IL18: variants seen among roughly 807,000 people sequenced by gnomAD.
IL18 encodes the protein interleukin-18.
Under a neutral mutation model 14.2 loss-of-function variants are expected in IL18, and 8 were observed. That is an observed-to-expected ratio of 0.56 (90% confidence interval 0.33 to 1.01). The LOEUF is 1.01. IL18 is among the 50% of genes least tolerant of loss of function. The pLI, the probability that IL18 is intolerant of heterozygous loss-of-function variation, is 0.03. For synonymous variants in IL18, 67 were observed against 71.0 expected (o/e 0.94, Z 0.28); for missense variants, 166 against 231.1 (o/e 0.72, Z 1.83).
intron 5 of IL18, among the ~76,000 whole-genome samples, chr11:112,145,191 GGAA>G (rs1866314978): frequency 6.6e-6 from 1 of 152,148 alleles, no homozygotes; most frequent in Non-Finnish European, 1.5e-5. Flanking sequence ...AATCAGTTGT[GGAA>G]TCAGTAGTCA....
chr11:112,160,591 T>G (rs1325082089), intron 1 of IL18, among the ~76,000 whole-genome samples: 3 of 152,158 alleles, frequency 2.0e-5, no homozygotes, highest in Non-Finnish European at 2.9e-5. Context: ...TGGAAAGAGC[T>G]TACCACACAG....
intron 2 of IL18, 32 bp downstream of exon 2, chr11:112,154,943 A>G: frequency 2.3e-6 from 3 of 1,321,542 alleles, no homozygotes; most frequent in Non-Finnish European, 3.3e-6. Context: ...ATTTATCTGA[A>G]CCTGGTATTT....
intron 5 of IL18, among the ~76,000 whole-genome samples, chr11:112,146,384 G>A (rs1046071845): frequency 3.3e-5 from 5 of 152,204 alleles, no homozygotes; most frequent in African/African-American, 7.2e-5. Flanking sequence ...GCAGTGGTGC[G>A]ATCTCAGCTC....
At chr11:112,157,738 C>T (rs908857410) in intron 1 of IL18, among the ~76,000 whole-genome samples, 1 of 151,944 alleles carries the variant, frequency 6.6e-6, no homozygotes, top group African/African-American at 2.4e-5. Context: ...AGCGGGGAGA[C>T]CGAGAAAATA....
At position 112,145,733 on chromosome 11, in the gene IL18, C is replaced by T. The variant is rs568189363; in HGVS notation, c.361-1916G>A. 2.8e-3 allele frequency among the ~76,000 whole-genome samples: 407 copies of T among 146,576 alleles called. 1 individual carries two copies. The highest frequency in any genetic ancestry group is 4.1e-3 in the Non-Finnish European group (277 of 67,432). On this transcript the variant is annotated intron_variant, in intron 5 of 5. Transcript: ENST00000280357. ...TAGCCTGGGCGACAGAGCGAGACTC[C>T]GTTTCAAAAAAAAAGAAAAAAAGAA...
At chr11:112,146,321 G>C (rs1866342358) in intron 5 of IL18, among the ~76,000 whole-genome samples, 1 of 151,906 alleles carries the variant, frequency 6.6e-6, no homozygotes, top group Non-Finnish European at 1.5e-5. Flanking sequence ...GTAGCCTGTT[G>C]TATCTTTTTC....
At chr11:112,156,561 CCTGGGACTCCCAT>C (rs1223977924) in intron 1 of IL18, among the ~76,000 whole-genome samples, 1 of 152,010 alleles carries the variant, frequency 6.6e-6, no homozygotes, top group Non-Finnish European at 1.5e-5. Flanking sequence ...CCCATCTTAG[CCTGGGACTCCCAT>C]CTGGGACCAC....
rs575147252 is a variant in IL18 at position 112,145,510 on chromosome 11, C to T, written c.361-1693G>A. ...ATCCCAGCACTTTGGGAGGCTGAGGCGGGCGGATCACAAGTTCAGGAGATC... is the reference window on the plus strand; with the variant it reads ...ATCCCAGCACTTTGGGAGGCTGAGGTGGGCGGATCACAAGTTCAGGAGATC... On this transcript the variant is annotated intron_variant, in intron 5 of 5. Transcript: ENST00000280357. Among the ~76,000 whole-genome samples, 22 of 152,236 alleles carry T rather than the reference C, an allele frequency of 1.4e-4. No homozygotes were observed. In the South Asian group the frequency reaches 4.4e-3, roughly 30 times the overall value.
At chr11:112,145,461 CG>C (rs1866319421) in intron 5 of IL18, among the ~76,000 whole-genome samples, 1 of 152,100 alleles carries the variant, frequency 6.6e-6, no homozygotes, top group African/African-American at 2.4e-5. Flanking sequence ...ACAGTTGAGC[CG>C]GGTGCGATGG....
intron 3 of IL18, among the ~76,000 whole-genome samples, chr11:112,151,622 T>C (rs1866440241): frequency 6.6e-6 from 1 of 152,228 alleles, no homozygotes; most frequent in South Asian, 2.1e-4. Flanking sequence ...ATTATCTGTA[T>C]CATTTCTTCA....
At chr11:112,147,465 C>T (rs1866362732) in intron 5 of IL18, among the ~76,000 whole-genome samples, 1 of 152,170 alleles carries the variant, frequency 6.6e-6, no homozygotes, top group South Asian at 2.1e-4. Flanking sequence ...ATCTCCTTCC[C>T]TTCTAATTAT....
chr11:112,156,950 T>C (rs1315692756), intron 1 of IL18, among the ~76,000 whole-genome samples: 1 of 151,972 alleles, frequency 6.6e-6, no homozygotes, highest in Non-Finnish European at 1.5e-5. Flanking sequence ...AAAAATAATA[T>C]AGCAAAGGAT....
chr11:112,152,862 G>C (rs1383082700), intron 3 of IL18: 4 of 152,176 alleles, frequency 2.6e-5, no homozygotes, highest in Non-Finnish European at 5.9e-5. Context: ...TTCAGCTACT[G>C]TATCTTTGGA....
At chr11:112,162,745 G>A (rs1293440336) in intron 1 of IL18, among the ~76,000 whole-genome samples, 4 of 152,228 alleles carry the variant, frequency 2.6e-5, no homozygotes. Context: ...AGGTAAAAGA[G>A]TAAATTTAAT....
At chr11:112,161,768 C>G (rs756688197) in intron 1 of IL18, among the ~76,000 whole-genome samples, 1 of 152,176 alleles carries the variant, frequency 6.6e-6, no homozygotes, top group Non-Finnish European at 1.5e-5. Flanking sequence ...CCACTGCACT[C>G]CAGCCTGGGT....
intron 4 of IL18, among the ~76,000 whole-genome samples, 168 bp downstream of exon 4, chr11:112,149,904 C>G (rs1866408959): frequency 6.6e-6 from 1 of 151,990 alleles, no homozygotes; most frequent in Non-Finnish European, 1.5e-5. Context: ...AATTTTTTAC[C>G]CCAACTAAAA....
At chr11:112,150,272 C>T (rs1302790680) in intron 3 of IL18, 66 bp from the exon 4 acceptor site, 1 of 1,099,860 alleles carries the variant, frequency 9.1e-7, no homozygotes, top group Non-Finnish European at 1.3e-6. Context: ...AATAAGTATG[C>T]TATATATTTT....
In IL18 at chr11:112,143,422, G is replaced by T; in HGVS notation, c.*174C>A. On this transcript the variant is annotated 3_prime_UTR_variant, in exon 6 of 6. Coordinates refer to ENST00000280357, the MANE Select transcript of IL18 (RefSeq NM_001562.4). ...CAGCCTCTTGAGTAGCTGGGATTGAGGGCATGCGTCACTACACTCAGCTAA... is the reference window on the plus strand; with the variant it reads ...CAGCCTCTTGAGTAGCTGGGATTGATGGCATGCGTCACTACACTCAGCTAA... 1 of 524,550 alleles carries T rather than the reference G, an allele frequency of 1.9e-6. No homozygotes were observed. The highest frequency in any genetic ancestry group is 3.4e-6 in the Non-Finnish European group (1 of 293,826). The allele number at this position is 524,550 out of a possible 1,614,324, so 32.5% of individuals were successfully genotyped here. A position where few individuals can be genotyped will look rare whatever the true frequency, so the allele number is the denominator to read the frequency against.
chr11:112,162,263 A>G (rs1436114162), intron 1 of IL18, among the ~76,000 whole-genome samples: 2 of 152,124 alleles, frequency 1.3e-5, no homozygotes, highest in Non-Finnish European at 2.9e-5. Flanking sequence ...AAGGCAATGG[A>G]CCAGCATTTA....
Sources: allele counts gnomAD v4.1 joint callset (sites outside exome capture counted in the v4.1 genomes callset), GRCh38; gene constraint gnomAD v4.1.1; transcripts MANE v1.5; gene names NCBI Gene and HGNC (gene_info 2026-07-23, HGNC 2026-07-21).